Variants in DOCK1 observed in about 807,000 individuals in gnomAD.
The protein encoded by DOCK1 is dedicator of cytokinesis protein 1.
A neutral mutation model predicts 262.7 loss-of-function variants in DOCK1; 138 were observed. The observed-to-expected ratio is 0.53, with a 90% CI of 0.46 to 0.61. DOCK1 has a LOEUF of 0.61. DOCK1 is among the 20% of genes least tolerant of loss of function. DOCK1 has a pLI of 0.00. For missense variants in DOCK1, 1,908 were observed against 2,370.7 expected, an observed-to-expected ratio of 0.80 and a Z score of 4.05; for synonymous variants, 866 against 867.4, an observed-to-expected ratio of 1.00 and a Z score of 0.03.
chr10:126,945,697 G>T (rs1178755249), intron 1 of DOCK1, among the ~76,000 whole-genome samples: 1 of 152,188 alleles, frequency 6.6e-6, no homozygotes, highest in Non-Finnish European at 1.5e-5. Flanking sequence ...ATCTGGTTTT[G>T]CTGCCACCGG....
At chr10:127,417,989 A>G (rs2068262555) in intron 44 of DOCK1, among the ~76,000 whole-genome samples, 1 of 151,444 alleles carries the variant, frequency 6.6e-6, no homozygotes, top group African/African-American at 2.4e-5. Flanking sequence ...AGATTCCTCA[A>G]AATTCCCGAA....
At chr10:126,994,974 C>T (rs1018023749) in intron 6 of DOCK1, among the ~76,000 whole-genome samples, 1 of 149,584 alleles carries the variant, frequency 6.7e-6, no homozygotes, top group Non-Finnish European at 1.5e-5. Context: ...TGGGGCGGCC[C>T]GTCAGAGACG....
intron 18 of DOCK1, among the ~76,000 whole-genome samples, chr10:127,033,878 T>C: frequency 6.6e-6 from 1 of 152,206 alleles, no homozygotes; most frequent in East Asian, 1.9e-4. Context: ...TTCCCACTGC[T>C]GGTCTGCTGA....
chr10:127,205,400 C>T (rs961787882), intron 27 of DOCK1, among the ~76,000 whole-genome samples: 2 of 152,202 alleles, frequency 1.3e-5, no homozygotes, highest in African/African-American at 4.8e-5. Context: ...TTCCACGTTC[C>T]ATCTCTGTTG....
intron 29 of DOCK1, among the ~76,000 whole-genome samples, chr10:127,310,810 A>C (rs931500447): frequency 3.3e-5 from 5 of 152,178 alleles, no homozygotes; most frequent in Non-Finnish European, 7.3e-5. Flanking sequence ...ACAATCTCTT[A>C]ATGCCCCAAA....
At position 126,998,079 on chromosome 10, in the gene DOCK1, C is replaced by T; in HGVS notation, c.610-13C>T. 1.2e-5 allele frequency: 20 copies of T among 1,613,700 alleles called. No homozygotes were observed. Among genetic ancestry groups the T allele is most frequent in the Non-Finnish European group, 1.7e-5 (20 of 1,179,720 alleles). On this transcript the variant is annotated splice_polypyrimidine_tract_variant and intron_variant, in intron 7 of 51. Coordinates refer to ENST00000623213, the MANE Select transcript of DOCK1 (RefSeq NM_001290223.2). ...GTTGCTGGGGTTGACTTTCTGTTTCCTTCCATACACAGTCTCAAAAGCAGA... is the reference window on the plus strand; with the variant it reads ...GTTGCTGGGGTTGACTTTCTGTTTCTTTCCATACACAGTCTCAAAAGCAGA...
At chr10:126,917,861 C>G (rs1324147563) in intron 1 of DOCK1, among the ~76,000 whole-genome samples, 7 of 152,134 alleles carry the variant, frequency 4.6e-5, no homozygotes, top group Non-Finnish European at 2.9e-5. Flanking sequence ...AGGCCTGTCT[C>G]CCCCAGGCGC....
At chr10:127,184,343 C>T (rs1240910360) in intron 27 of DOCK1, among the ~76,000 whole-genome samples, 2 of 144,880 alleles carry the variant, frequency 1.4e-5, no homozygotes, top group African/African-American at 2.7e-5. Flanking sequence ...CCAAATCAGT[C>T]GTCACCATGC....
At chr10:127,208,209 C>T (rs2057809913) in intron 27 of DOCK1, among the ~76,000 whole-genome samples, 1 of 152,140 alleles carries the variant, frequency 6.6e-6, no homozygotes, top group East Asian at 1.9e-4. Context: ...TATGGGAATG[C>T]TCCAGTTATG....
intron 27 of DOCK1, chr10:127,136,829 G>C (rs1022356166): frequency 1.3e-5 from 2 of 152,512 alleles, no homozygotes; most frequent in African/African-American, 2.4e-5. Context: ...GATGGTCAGG[G>C]CTTCCACCAT....
chr10:127,220,363 G>T (rs12358357), intron 27 of DOCK1, among the ~76,000 whole-genome samples: 1 of 151,912 alleles, frequency 6.6e-6, no homozygotes, highest in Non-Finnish European at 1.5e-5. Flanking sequence ...GGACGTGTGT[G>T]TTGCAGCAGC....
intron 1 of DOCK1, among the ~76,000 whole-genome samples, chr10:126,922,708 C>T (rs570958946): frequency 1.3e-5 from 2 of 152,246 alleles, no homozygotes; most frequent in East Asian, 1.9e-4. Flanking sequence ...AAGAACTAGA[C>T]AGAGGTGGTG....
intron 27 of DOCK1, among the ~76,000 whole-genome samples, chr10:127,215,058 C>T (rs973523614): frequency 1.3e-5 from 2 of 152,108 alleles, no homozygotes; most frequent in African/African-American, 4.8e-5. Context: ...ATCTGTTTCA[C>T]CCAGGGCCTC....
chr10:127,415,979 G>A (rs1021106682), intron 44 of DOCK1, among the ~76,000 whole-genome samples: 1 of 152,232 alleles, frequency 6.6e-6, no homozygotes, highest in Non-Finnish European at 1.5e-5. Flanking sequence ...CACTGAGGGG[G>A]TGGCACTTGC....
intron 49 of DOCK1, among the ~76,000 whole-genome samples, chr10:127,441,448 C>T (rs1332371619): frequency 6.6e-6 from 1 of 152,210 alleles, no homozygotes; most frequent in Non-Finnish European, 1.5e-5. Context: ...GCGGAGAATC[C>T]GAACCTCCCA....
At chr10:127,028,098 G>T (rs969525195) in intron 16 of DOCK1, among the ~76,000 whole-genome samples, 1 of 152,188 alleles carries the variant, frequency 6.6e-6, no homozygotes, top group Non-Finnish European at 1.5e-5. Flanking sequence ...GGCAGCTGCC[G>T]AAAGCATCAT....
In DOCK1 at chr10:127,107,962, C is replaced by T. The variant is rs544931253; in HGVS notation, c.2516+1661C>T. Among the ~76,000 whole-genome samples the T allele has an allele frequency of 6.1e-3, 932 of 152,278 alleles. 5 individuals carry two copies. The highest frequency in any genetic ancestry group is 0.011 in the Non-Finnish European group (720 of 68,024). On this transcript the variant is annotated intron_variant, in intron 24 of 51. Coordinates refer to ENST00000623213, the MANE Select transcript of DOCK1 (RefSeq NM_001290223.2). ...CTGTACGCACAAATTAGCCCCTCAC[C>T]GATGGAGGGTATCATTGACGCTCAC...
chr10:126,993,362 C>T (rs111390040), intron 6 of DOCK1, among the ~76,000 whole-genome samples: 2,949 of 152,304 alleles, frequency 0.019, 74 homozygotes, highest in African/African-American at 0.058. Flanking sequence ...TGACCATGCC[C>T]TACCCACAGT....
intron 29 of DOCK1, among the ~76,000 whole-genome samples, chr10:127,267,890 C>T (rs10430605): frequency 0.3 from 45,218 of 152,072 alleles, 7,748 homozygotes; most frequent in South Asian, 0.53. Context: ...GGTGCTTTTA[C>T]GTCTAGAACA....
Sources: allele counts gnomAD v4.1 joint callset (sites outside exome capture counted in the v4.1 genomes callset), GRCh38; gene constraint gnomAD v4.1.1; transcripts MANE v1.5; gene names NCBI Gene and HGNC (gene_info 2026-07-23, HGNC 2026-07-21).